Variants in TAFA1 observed in about 807,000 individuals in gnomAD.
The protein encoded by TAFA1 is TAFA chemokine like family member 1, also known as chemokine-like protein TAFA-1.
Under a neutral mutation model 18.5 loss-of-function variants are expected in TAFA1, and 4 were observed. That is an observed-to-expected ratio of 0.22 (90% confidence interval 0.11 to 0.49). The LOEUF (loss-of-function observed/expected upper bound fraction) is 0.49. Among genes scored for constraint, TAFA1 ranks in the 20% least tolerant of loss-of-function variants. The pLI is 0.98. For synonymous variants in TAFA1, 56 were observed against 55.2 expected, an observed-to-expected ratio of 1.01 and a Z score of -0.06; for missense variants, 147 against 169.0, an observed-to-expected ratio of 0.87 and a Z score of 0.72.
intron 2 of TAFA1, among the ~76,000 whole-genome samples, chr3:68,017,788 C>T (rs1451617939): frequency 1.3e-5 from 2 of 152,186 alleles, no homozygotes; most frequent in South Asian, 2.1e-4. Flanking sequence ...TGAGTCCTCG[C>T]CTGATTCTTC....
upstream of TAFA1, among the ~76,000 whole-genome samples, chr3:68,003,846 A>G (rs1704314431): frequency 6.6e-6 from 1 of 152,190 alleles, no homozygotes; most frequent in Non-Finnish European, 1.5e-5. Context: ...GTCCTATTCC[A>G]GGTAAATTCT....
intron 2 of TAFA1, among the ~76,000 whole-genome samples, chr3:68,084,141 C>T (rs1040491511): frequency 6.6e-5 from 10 of 152,116 alleles, no homozygotes; most frequent in East Asian, 3.9e-4. Flanking sequence ...TACTACATGG[C>T]GGTCTAGGGC....
intron 3 of TAFA1, among the ~76,000 whole-genome samples, chr3:68,535,004 C>T (rs1237116718): frequency 6.6e-6 from 1 of 152,128 alleles, no homozygotes; most frequent in Non-Finnish European, 1.5e-5. Flanking sequence ...GCAATTTCTT[C>T]TCATGCTAAG....
intron 2 of TAFA1, among the ~76,000 whole-genome samples, chr3:68,094,764 A>G (rs1346017943): frequency 1.3e-5 from 2 of 152,138 alleles, no homozygotes; most frequent in African/African-American, 4.8e-5. Context: ...TGTTGTACTT[A>G]TATCACAAGT....
At chr3:68,072,422 G>A (rs964243358) in intron 2 of TAFA1, among the ~76,000 whole-genome samples, 2 of 152,150 alleles carry the variant, frequency 1.3e-5, no homozygotes, top group African/African-American at 4.8e-5. Flanking sequence ...AGTTACAGAG[G>A]GTGGTGTTTT....
At chr3:68,420,414 C>T (rs960511738) in intron 3 of TAFA1, among the ~76,000 whole-genome samples, 8 of 152,130 alleles carry the variant, frequency 5.3e-5, no homozygotes, top group African/African-American at 1.2e-4. Flanking sequence ...AAGATGAGGT[C>T]GTGCTACATA....
chr3:68,439,900 A>G (rs967742439), intron 3 of TAFA1, among the ~76,000 whole-genome samples: 3 of 152,154 alleles, frequency 2.0e-5, no homozygotes, highest in African/African-American at 7.2e-5. Flanking sequence ...AAATAAAGAC[A>G]ATAATAAGAT....
At chr3:68,258,835 A>G (rs2067349509) in intron 2 of TAFA1, among the ~76,000 whole-genome samples, 1 of 152,168 alleles carries the variant, frequency 6.6e-6, no homozygotes, top group South Asian at 2.1e-4. Flanking sequence ...ATGCTAGGGC[A>G]TGTTTTATTC....
chr3:68,516,091 C>G (rs1419459079), intron 3 of TAFA1, among the ~76,000 whole-genome samples: 1 of 152,240 alleles, frequency 6.6e-6, no homozygotes, highest in Non-Finnish European at 1.5e-5. Context: ...CAGTGACATA[C>G]TTTCCTATTT....
intron 3 of TAFA1, among the ~76,000 whole-genome samples, chr3:68,486,891 A>C (rs2106671013): frequency 6.6e-6 from 1 of 152,286 alleles, no homozygotes; most frequent in East Asian, 1.9e-4. Context: ...CCTATGTGTT[A>C]TTGGTATGCT....
intron 3 of TAFA1, among the ~76,000 whole-genome samples, chr3:68,445,839 G>A (rs1396651033): frequency 6.6e-6 from 1 of 152,168 alleles, no homozygotes; most frequent in Non-Finnish European, 1.5e-5. Context: ...GCAGAAGTTG[G>A]GAGAACTACA....
At chr3:68,496,639 T>C (rs2072555161) in intron 3 of TAFA1, among the ~76,000 whole-genome samples, 2 of 152,112 alleles carry the variant, frequency 1.3e-5, no homozygotes, top group African/African-American at 4.8e-5. Context: ...GCCACCTAAT[T>C]TTGAGTGAAA....
chr3:68,103,180 A>G (rs1028579163), intron 2 of TAFA1, among the ~76,000 whole-genome samples: 1 of 152,202 alleles, frequency 6.6e-6, no homozygotes, highest in Non-Finnish European at 1.5e-5. Flanking sequence ...AAGTGGGTTC[A>G]GAAGTTTCAA....
intron 2 of TAFA1, among the ~76,000 whole-genome samples, chr3:68,122,033 G>A (rs933014877): frequency 3.3e-5 from 5 of 152,006 alleles, no homozygotes; most frequent in African/African-American, 4.8e-5. Flanking sequence ...GTTCTTTTAC[G>A]TTCACAGCTA....
intron 3 of TAFA1, among the ~76,000 whole-genome samples, chr3:68,491,344 G>A (rs1448149802): frequency 2.0e-5 from 3 of 152,088 alleles, no homozygotes; most frequent in East Asian, 1.9e-4. Context: ...ATACACCATG[G>A]AATACTATGT....
intron 2 of TAFA1, among the ~76,000 whole-genome samples, chr3:68,070,629 G>A (rs185060271): frequency 6.6e-6 from 1 of 152,176 alleles, no homozygotes; most frequent in Non-Finnish European, 1.5e-5. Context: ...CTATTGCATT[G>A]TCAGGCTACA....
intron 2 of TAFA1, among the ~76,000 whole-genome samples, chr3:68,378,750 T>G (rs1478318284): frequency 6.6e-6 from 1 of 152,114 alleles, no homozygotes; most frequent in Non-Finnish European, 1.5e-5. Flanking sequence ...TGGGAGAGGT[T>G]TTCGCCATGC....
intron 3 of TAFA1, among the ~76,000 whole-genome samples, chr3:68,525,753 G>A (rs2073103355): frequency 1.3e-5 from 2 of 152,178 alleles, no homozygotes; most frequent in Admixed American, 1.3e-4. Flanking sequence ...GTCTAGTTAT[G>A]TTTTTTGAAG....
chr3:68,429,344 A>T lies in TAFA1; in HGVS notation c.259+11924A>T, dbSNP rs567911255. ...TGAATTTATTACTTATATCATCCTT[A>T]TAATAGCCTTATAAGATAGGTACTA... is the stretch of plus-strand genomic sequence containing the variant. On this transcript the variant is annotated intron_variant, in intron 3 of 4. Coordinates refer to ENST00000478136, the MANE Select transcript of TAFA1 (RefSeq NM_213609.4). Among the ~76,000 whole-genome samples, 6 of 152,004 alleles carry T rather than the reference A, an allele frequency of 3.9e-5. No homozygotes were observed. In the South Asian group the frequency reaches 6.2e-4, roughly 16 times the overall value.
Sources: gnomAD v4.1 joint callset for allele counts (sites outside exome capture counted in the v4.1 genomes callset) on GRCh38, gnomAD v4.1.1 for gene constraint, MANE v1.5 for transcripts, NCBI Gene and HGNC (gene_info 2026-07-23, HGNC 2026-07-21) for gene names.